SP3: variants seen among roughly 807,000 people sequenced by gnomAD.
The protein encoded by SP3 is Sp3 transcription factor, also known as transcription factor Sp3.
A neutral mutation model predicts 70.3 loss-of-function variants in SP3; 10 were observed. The ratio of observed to expected loss-of-function variants is 0.14; its 90% CI spans 0.09 to 0.24. The LOEUF (loss-of-function observed/expected upper bound fraction) is 0.24. Among genes scored for constraint, SP3 ranks in the 10% least tolerant of loss-of-function variants. The probability of loss-of-function intolerance (pLI) is 1.00; values close to 1 mark genes in which losing one functional copy is unlikely to be tolerated. For synonymous variants in SP3, 402 were observed against 333.5 expected (o/e 1.21, Z -2.24); for missense variants, 825 against 914.6 (o/e 0.90, Z 1.26).
chr2:173,964,220 C>T (rs1476657454), intron 2 of SP3, 185 bp downstream of exon 2: 1 of 462,652 alleles, frequency 2.2e-6, no homozygotes, highest in Non-Finnish European at 3.8e-6. Flanking sequence ...GCGGGCGAGG[C>T]GGGGCGGCGC....
chr2:173,918,932 A>C (rs548515515), intron 4 of SP3, 147 bp from the exon 5 acceptor site: 2 of 643,334 alleles, frequency 3.1e-6, no homozygotes, highest in Admixed American at 6.2e-5. Flanking sequence ...TTTGTTCCTC[A>C]TCTAACTAAC....
chr2:173,960,821 A>C (rs1691047662), intron 3 of SP3, among the ~76,000 whole-genome samples: 1 of 151,738 alleles, frequency 6.6e-6, no homozygotes, highest in African/African-American at 2.4e-5. Flanking sequence ...ATACAAAAAA[A>C]AAAAATTAGC....
At chr2:173,962,896 C>T (rs1217432440) in intron 3 of SP3, 2 of 152,168 alleles carry the variant, frequency 1.3e-5, no homozygotes, top group Non-Finnish European at 2.9e-5. Flanking sequence ...GTATTAACCC[C>T]TCATATAACA....
Position 173,946,453 on chromosome 2 carries a change from CAATTTTTT to C in SP3, c.1639+8412_1639+8419del, listed in dbSNP as rs776502331. Among the ~76,000 whole-genome samples, 470 of 152,084 alleles carry C rather than the reference CAATTTTTT, an allele frequency of 3.1e-3. 1 individual carries two copies. The highest frequency in any genetic ancestry group is 2.8e-3 in the Non-Finnish European group (190 of 67,994). ...ACCACCACACTGGGATTCAAATCATCAATTTTTTAAATCCATTTCTGTAATTACTGTTA... is the reference window on the plus strand; with the variant it reads ...ACCACCACACTGGGATTCAAATCATCAAATCCATTTCTGTAATTACTGTTA... On this transcript the variant is annotated intron_variant, in intron 4 of 6. Transcript: ENST00000310015.
chr2:173,929,106 T>C (rs1689998956), intron 4 of SP3, among the ~76,000 whole-genome samples: 3 of 152,342 alleles, frequency 2.0e-5, no homozygotes, highest in South Asian at 2.1e-4. Context: ...CAGGCTCCAC[T>C]TGATACATGC....
chr2:173,946,676 C>T (rs1478945922), intron 4 of SP3, among the ~76,000 whole-genome samples: 2 of 151,272 alleles, frequency 1.3e-5, no homozygotes, highest in Admixed American at 6.6e-5. Flanking sequence ...CTGAATGTTA[C>T]TCCACGATCT....
At chr2:173,910,533 C>T (rs746574029) in intron 6 of SP3, among the ~76,000 whole-genome samples, 2 of 152,060 alleles carry the variant, frequency 1.3e-5, no homozygotes, top group Non-Finnish European at 2.9e-5. Flanking sequence ...ATCTCAACTA[C>T]GCTAAGAGTT....
chr2:173,921,301 T>C (rs557275596), intron 4 of SP3, among the ~76,000 whole-genome samples: 10 of 152,314 alleles, frequency 6.6e-5, no homozygotes, highest in South Asian at 4.1e-4. Context: ...ATATGAAATT[T>C]AGAATATGAT....
Position 173,921,381 on chromosome 2 carries a change from C to G in SP3, c.1640-2596G>C, listed in dbSNP as rs115127345. Among the ~76,000 whole-genome samples the G allele has an allele frequency of 6.3e-3, 962 of 152,256 alleles. 4 individuals carry two copies. Among genetic ancestry groups the G allele is most frequent in the Middle Eastern group, 0.01 (3 of 294 alleles). On this transcript the variant is annotated intron_variant, in intron 4 of 6. Transcript: ENST00000310015. ...ACTGTTCTAAGTTCTAAGGATAAGG[C>G]AGTTAGCAAGTTAAAAGTTCATGCT...
At chr2:173,913,301 TGAAAA>T in intron 5 of SP3, 35 bp from the exon 6 acceptor site, 3 of 1,382,344 alleles carry the variant, frequency 2.2e-6, no homozygotes, top group African/African-American at 1.5e-5. Flanking sequence ...TATACTTATA[TGAAAA>T]TATTCAAATG....
Position 173,905,840 on chromosome 2 carries a change from CAAATT to C in SP3, c.*4096_*4100del, listed in dbSNP as rs994713093. Among the ~76,000 whole-genome samples, 5 of 152,198 alleles carry C rather than the reference CAAATT, an allele frequency of 3.3e-5. No individual in the cohort carries two copies. Among genetic ancestry groups the C allele is most frequent in the Non-Finnish European group, 7.4e-5 (5 of 68,008 alleles). ...ATAGTGAGACCCCATCTCTACAAAA[CAAATT>C]AAAATTAACTGAGCATGGTGGTGTG... On this transcript the variant is annotated 3_prime_UTR_variant, in exon 7 of 7. Transcript: ENST00000310015.
At position 173,903,290 on chromosome 2, in the gene SP3, C is replaced by T. The variant is rs1031504734; in HGVS notation, c.*6651G>A. On this transcript the variant is annotated 3_prime_UTR_variant, in exon 7 of 7. Coordinates refer to ENST00000310015, the MANE Select transcript of SP3 (RefSeq NM_003111.5). ...CTCCATAATCACTCTATGAAGATGA[C>T]GCTAGCATCATTCTCATTTTATAGT... Among the ~76,000 whole-genome samples the T allele has an allele frequency of 1.3e-5, 2 of 152,114 alleles. No individual in the cohort carries two copies. The highest frequency in any genetic ancestry group is 1.3e-4 in the Admixed American group (2 of 15,274).
chr2:173,960,375 A>G (rs933799711), intron 3 of SP3, among the ~76,000 whole-genome samples: 4 of 152,198 alleles, frequency 2.6e-5, no homozygotes, highest in Admixed American at 2.0e-4. Context: ...ATAGGAAAGG[A>G]AGGAGTATAA....
At position 173,910,265 on chromosome 2, in the gene SP3, GA is replaced by G; in HGVS notation, c.2030-9del. The G allele has an allele frequency of 1.9e-6, 3 of 1,608,844 alleles. No individual in the cohort carries two copies. Among genetic ancestry groups the G allele is most frequent in the African/African-American group, 1.3e-5 (1 of 74,600 alleles). On this transcript the variant is annotated splice_polypyrimidine_tract_variant and intron_variant, in intron 6 of 6. Transcript: ENST00000310015. The stretch of plus-strand genomic sequence containing the variant: ...AAACAAATTTCTTCTCACCTGTTAA[GA>G]AAAAAATTAAGTTACTTGGTTTTAA...
In SP3 at chr2:173,953,281, AAC is replaced by A. The variant is rs576639213; in HGVS notation, c.1639+1590_1639+1591del. Among the ~76,000 whole-genome samples, 42 of 152,376 alleles carry A rather than the reference AAC, an allele frequency of 2.8e-4. 1 individual carries two copies. The South Asian group carries it at 8.3e-3, about 30-fold the overall frequency. On this transcript the variant is annotated intron_variant, in intron 4 of 6. Transcript: ENST00000310015. ...TTTATCCACCACCACTGAAAGTGTCAACACAGAGAACAAGGCAAACAATTTCT... is the reference window on the plus strand; with the variant it reads ...TTTATCCACCACCACTGAAAGTGTCAACAGAGAACAAGGCAAACAATTTCT...
intron 4 of SP3, among the ~76,000 whole-genome samples, chr2:173,953,775 A>AAAAC (rs1690790005): frequency 1.3e-5 from 1 of 77,734 alleles, no homozygotes; most frequent in Admixed American, 1.5e-4. Flanking sequence ...CTCAAAAAAC[A>AAAAC]AAACAAAACA....
chr2:173,950,835 G>C (rs954274545), intron 4 of SP3, among the ~76,000 whole-genome samples: 1 of 152,114 alleles, frequency 6.6e-6, no homozygotes, highest in African/African-American at 2.4e-5. Context: ...TATACCAAGA[G>C]AAAGTTTATA....
chr2:173,919,448 T>C (rs1237048658), intron 4 of SP3, among the ~76,000 whole-genome samples: 2 of 152,220 alleles, frequency 1.3e-5, no homozygotes, highest in Admixed American at 6.5e-5. Context: ...TACATCTTCC[T>C]TGGTATCTCA....
intron 3 of SP3, among the ~76,000 whole-genome samples, chr2:173,958,870 C>T (rs1173439747): frequency 6.6e-6 from 1 of 151,332 alleles, no homozygotes; most frequent in Non-Finnish European, 1.5e-5. Flanking sequence ...TGTCAACAAC[C>T]GGAAAAACAT....
Sources: gnomAD v4.1 joint callset for allele counts (sites outside exome capture counted in the v4.1 genomes callset) on GRCh38, gnomAD v4.1.1 for gene constraint, MANE v1.5 for transcripts, NCBI Gene and HGNC (gene_info 2026-07-23, HGNC 2026-07-21) for gene names.